FANK1: variants seen among roughly 807,000 people sequenced by gnomAD.
FANK1 encodes the protein fibronectin type III and ankyrin repeat domains 1.
A neutral mutation model predicts 45.3 loss-of-function variants in FANK1; 44 were observed. The ratio of observed to expected loss-of-function variants is 0.97; its 90% confidence interval spans 0.76 to 1.25. The LOEUF (loss-of-function observed/expected upper bound fraction) is 1.25, where lower values mean the gene tolerates loss of function less well. Among genes scored for constraint, FANK1 ranks in the 50% most tolerant of loss-of-function variants. FANK1 has a pLI of 0.00. For missense variants in FANK1, 391 were observed against 424.4 expected (o/e 0.92, Z 0.69); for synonymous variants, 149 against 152.5 (o/e 0.98, Z 0.17).
intron 3 of FANK1, among the ~76,000 whole-genome samples, chr10:125,992,446 G>A (rs937886160): frequency 6.6e-6 from 1 of 152,162 alleles, no homozygotes; most frequent in African/African-American, 2.4e-5. Context: ...TGGAACGATG[G>A]TTACTGCTCA....
chr10:125,988,432 C>T, intron 2 of FANK1, 119 bp from the exon 3 acceptor site: 9 of 1,350,332 alleles, frequency 6.7e-6, no homozygotes, highest in Non-Finnish European at 9.2e-6. Flanking sequence ...AAGCAGGATC[C>T]ATCGGCTGTG....
chr10:125,938,304 A>G (rs974381092), intron 1 of FANK1, among the ~76,000 whole-genome samples: 13 of 148,384 alleles, frequency 8.8e-5, no homozygotes, highest in African/African-American at 3.2e-4. Context: ...TAAAAAAAAA[A>G]TCCTGACTGT....
At chr10:125,949,346 A>C (rs1228879896) in intron 1 of FANK1, among the ~76,000 whole-genome samples, 1 of 151,920 alleles carries the variant, frequency 6.6e-6, no homozygotes, top group East Asian at 1.9e-4. Flanking sequence ...TTTGCAGACA[A>C]CATGATTGTA....
intron 1 of FANK1, among the ~76,000 whole-genome samples, chr10:125,955,709 C>CA (rs1392513291): frequency 6.6e-6 from 1 of 152,124 alleles, no homozygotes; most frequent in African/African-American, 2.4e-5. Context: ...GAGGCTCAAG[C>CA]AATTCTCATG....
At chr10:125,935,035 T>G (rs964857917) in intron 1 of FANK1, among the ~76,000 whole-genome samples, 3 of 152,146 alleles carry the variant, frequency 2.0e-5, no homozygotes, top group African/African-American at 7.2e-5. Context: ...CCCAATCTCT[T>G]CTGCCTGGGG....
intron 2 of FANK1, among the ~76,000 whole-genome samples, chr10:125,984,458 A>G (rs73370532): frequency 0.017 from 2,535 of 152,328 alleles, 74 homozygotes; most frequent in African/African-American, 0.055. Flanking sequence ...ACAACAATCC[A>G]GTCTTCCACA....
intron 3 of FANK1, chr10:125,989,280 G>A (rs1951770572): frequency 1.3e-6 from 2 of 1,549,792 alleles, no homozygotes; most frequent in Admixed American, 2.0e-5. Context: ...CTATGTCCAG[G>A]GCCATCTCTG....
chr10:125,975,526 G>A (rs1950803454), intron 1 of FANK1, among the ~76,000 whole-genome samples: 2 of 152,086 alleles, frequency 1.3e-5, no homozygotes, highest in Admixed American at 1.3e-4. Context: ...TTTAATAATG[G>A]CCATTCTGAC....
At chr10:125,935,211 G>A (rs1038467302) in intron 1 of FANK1, among the ~76,000 whole-genome samples, 3 of 151,992 alleles carry the variant, frequency 2.0e-5, no homozygotes, top group African/African-American at 4.8e-5. Flanking sequence ...ATATTTCTTC[G>A]TGGCATCGAC....
chr10:125,954,815 G>T (rs984798251), intron 1 of FANK1, among the ~76,000 whole-genome samples: 4 of 152,064 alleles, frequency 2.6e-5, no homozygotes, highest in Non-Finnish European at 5.9e-5. Flanking sequence ...CAGCTACTTG[G>T]GAGGCTGAGG....
intron 1 of FANK1, among the ~76,000 whole-genome samples, chr10:125,918,480 G>A (rs1589846397): frequency 1.3e-5 from 2 of 148,398 alleles, no homozygotes; most frequent in African/African-American, 5.0e-5. Context: ...CCTTGAACCC[G>A]GGAGGCGGAG....
chr10:125,964,106 CT>C (rs1280734171), intron 1 of FANK1, among the ~76,000 whole-genome samples: 1 of 149,206 alleles, frequency 6.7e-6, no homozygotes, highest in Non-Finnish European at 1.5e-5. Flanking sequence ...AATTATTTTT[CT>C]TTCATCCTAT....
intron 1 of FANK1, among the ~76,000 whole-genome samples, chr10:125,968,763 A>G (rs1467705439): frequency 6.6e-6 from 1 of 152,112 alleles, no homozygotes; most frequent in African/African-American, 2.4e-5. Flanking sequence ...TGCTAAGCCT[A>G]ATATTGTGTA....
chr10:125,989,862 G>A (rs1399603778), intron 3 of FANK1, among the ~76,000 whole-genome samples: 3 of 152,190 alleles, frequency 2.0e-5, no homozygotes, highest in African/African-American at 7.2e-5. Context: ...AGGTGGCAAA[G>A]GGAGTCAGGC....
intron 6 of FANK1, among the ~76,000 whole-genome samples, chr10:126,003,864 T>C (rs930822502): frequency 2.0e-5 from 3 of 151,876 alleles, no homozygotes; most frequent in Non-Finnish European, 2.9e-5. Context: ...TTAGTAGAGA[T>C]GAAGTTTTGC....
intron 1 of FANK1, among the ~76,000 whole-genome samples, chr10:125,943,719 A>G (rs1328026994): frequency 6.6e-6 from 1 of 152,240 alleles, no homozygotes; most frequent in Non-Finnish European, 1.5e-5. Flanking sequence ...CAAGATCTCA[A>G]TGCTTTATAA....
intron 1 of FANK1, among the ~76,000 whole-genome samples, chr10:125,897,877 C>T (rs572669527): frequency 1.3e-5 from 2 of 151,866 alleles, no homozygotes; most frequent in East Asian, 1.9e-4. Flanking sequence ...AGCAACTTGG[C>T]CTGGCCCGGT....
intron 1 of FANK1, among the ~76,000 whole-genome samples, chr10:125,927,210 C>T (rs1262775246): frequency 1.3e-5 from 2 of 152,202 alleles, no homozygotes; most frequent in South Asian, 4.1e-4. Context: ...CTGGCTCAAG[C>T]GATCCTCCCA....
chr10:125,981,791 G>T (rs1010280143), intron 2 of FANK1, among the ~76,000 whole-genome samples: 1 of 152,192 alleles, frequency 6.6e-6, no homozygotes, highest in African/African-American at 2.4e-5. Flanking sequence ...TGGCATTGAT[G>T]CAGTCAAGAT....
Sources: allele counts gnomAD v4.1 joint callset (sites outside exome capture counted in the v4.1 genomes callset), GRCh38; gene constraint gnomAD v4.1.1; transcripts MANE v1.5; gene names NCBI Gene and HGNC (gene_info 2026-07-23, HGNC 2026-07-21).